C7: variants seen among roughly 807,000 people sequenced by gnomAD.
C7 encodes complement component C7.
A neutral mutation model predicts 104.8 loss-of-function variants in C7; 83 were observed. The observed-to-expected ratio is 0.79, with a 90% confidence interval of 0.66 to 0.95. The LOEUF (loss-of-function observed/expected upper bound fraction) is 0.95. Among genes scored for constraint, C7 ranks in the 40% least tolerant of loss-of-function variants. C7 has a pLI of 0.00. For missense variants in C7, 1,070 were observed against 1,011.2 expected (o/e 1.06, Z -0.79); for synonymous variants, 415 against 360.6 (o/e 1.15, Z -1.71).
intron 6 of C7, among the ~76,000 whole-genome samples, chr5:40,941,642 C>T (rs992185014): frequency 3.9e-5 from 6 of 152,050 alleles, no homozygotes; most frequent in Non-Finnish European, 7.4e-5. Flanking sequence ...GACATAAGAG[C>T]GGCCTGAGAA....
chr5:40,963,451 T>C (rs1372507317), intron 13 of C7, among the ~76,000 whole-genome samples: 2 of 152,172 alleles, frequency 1.3e-5, no homozygotes, highest in Non-Finnish European at 2.9e-5. Context: ...AAACAGAACA[T>C]GTGCTCCTCC....
At chr5:40,959,669 T>C (rs776814782) in intron 12 of C7, 49 bp downstream of exon 12, 5 of 1,394,764 alleles carry the variant, frequency 3.6e-6, no homozygotes, top group Non-Finnish European at 4.8e-6. Flanking sequence ...CAGTACCCTC[T>C]GCAGTTAGCA....
Position 40,936,359 on chromosome 5 carries a change from T to C in C7, c.302T>C (p.Leu101Ser), listed in dbSNP as rs1739814717. 3 of 1,613,182 alleles carry C rather than the reference T, an allele frequency of 1.9e-6. No homozygotes were observed. Among genetic ancestry groups the C allele is most frequent in the Non-Finnish European group, 8.5e-7 (1 of 1,179,456 alleles). The change falls in exon 5 of 18, where the codon TTG (leucine) becomes TCG (serine). Residue 101 changes from leucine to serine, a missense_variant. Physicochemically the swap from Leu to Ser is moderately radical, Grantham distance 145. Transcript: ENST00000313164. ...CFSGQCISKS[L>S]VCNGDSDCDE... The stretch of plus-strand genomic sequence containing the variant: ...TCAGGTCAGTGCATCAGCAAATCAT[T>C]GGTTTGCAATGGGGATTCTGACTGT...
At chr5:40,922,079 C>T (rs1357504950) in intron 1 of C7, among the ~76,000 whole-genome samples, 2 of 143,538 alleles carry the variant, frequency 1.4e-5, no homozygotes, top group Non-Finnish European at 3.1e-5. Flanking sequence ...AAAACAACAA[C>T]AAAAAATACA....
chr5:40,972,839 T>C (rs2111711021), intron 15 of C7, among the ~76,000 whole-genome samples: 1 of 152,342 alleles, frequency 6.6e-6, no homozygotes, highest in South Asian at 2.1e-4. Flanking sequence ...ATCATCCTTG[T>C]GAAAGATTAG....
intron 1 of C7, among the ~76,000 whole-genome samples, chr5:40,926,097 G>C (rs1739544490): frequency 6.6e-6 from 1 of 152,178 alleles, no homozygotes; most frequent in South Asian, 2.1e-4. Flanking sequence ...GAAATGCAAG[G>C]ATGGTTCAAC....
At chr5:40,949,358 G>A (rs2111635494) in intron 8 of C7, among the ~76,000 whole-genome samples, 1 of 124,486 alleles carries the variant, frequency 8.0e-6, no homozygotes, top group East Asian at 2.1e-4. Context: ...AAAATGCATT[G>A]GCAAAAAAAA....
chr5:40,964,161 G>C (rs1740492844), intron 13 of C7, among the ~76,000 whole-genome samples: 1 of 147,444 alleles, frequency 6.8e-6, no homozygotes, highest in Non-Finnish European at 1.5e-5. Context: ...TCATGTCTCA[G>C]CCTCCTGAGT....
At chr5:40,964,284 C>T (rs2111681791) in intron 13 of C7, among the ~76,000 whole-genome samples, 1 of 151,948 alleles carries the variant, frequency 6.6e-6, no homozygotes, top group East Asian at 1.9e-4. Context: ...CTCAGGTGAT[C>T]CACCTGCCTT....
chr5:40,936,623 C>A (rs1437446795), intron 5 of C7, 138 bp downstream of exon 5: 2 of 743,974 alleles, frequency 2.7e-6, no homozygotes, highest in Non-Finnish European at 2.2e-6. Context: ...TTTGCCACAT[C>A]CTGAGACAGT....
intron 15 of C7, among the ~76,000 whole-genome samples, chr5:40,975,360 A>G (rs1561260907): frequency 1.5e-5 from 2 of 130,454 alleles, no homozygotes; most frequent in African/African-American, 2.9e-5. Flanking sequence ...TTTAAAGAGA[A>G]GTGTGCTTTT....
chr5:40,962,055 T>A, intron 12 of C7, 30 bp from the exon 13 acceptor site: 1 of 1,266,670 alleles, frequency 7.9e-7, no homozygotes, highest in South Asian at 1.7e-5. Flanking sequence ...TGCAAATCAA[T>A]CACATTAATT....
chr5:40,914,448 A>G (rs1179566864), intron 1 of C7, among the ~76,000 whole-genome samples: 1 of 152,064 alleles, frequency 6.6e-6, no homozygotes, highest in African/African-American at 2.4e-5. Flanking sequence ...CTTTTGTTGT[A>G]GAGAAGCTTT....
rs928403097 is a variant in C7, at chr5:40,983,535, G to A, written c.*1962G>A. Among the ~76,000 whole-genome samples, 1 of 152,104 alleles carries A rather than the reference G, an allele frequency of 6.6e-6. No individual in the cohort carries two copies. The highest frequency in any genetic ancestry group is 2.4e-5 in the African/African-American group (1 of 41,432). Reference sequence around the variant, plus strand: ...GAGCAGTGAATGTTGTCGTGAAGAGGTGTTGTCTTGAAATACTGTATTTTT... The same window carrying A: ...GAGCAGTGAATGTTGTCGTGAAGAGATGTTGTCTTGAAATACTGTATTTTT... On this transcript the variant is annotated 3_prime_UTR_variant, in exon 18 of 18. Coordinates refer to ENST00000313164, the MANE Select transcript of C7 (RefSeq NM_000587.4).
At position 40,979,783 on chromosome 5, in the gene C7, G is replaced by A. The variant is rs1238355496; in HGVS notation, c.2224G>A (p.Val742Ile). The A allele has an allele frequency of 1.2e-6, 2 of 1,613,586 alleles. No homozygotes were observed. Among genetic ancestry groups the A allele is most frequent in the Non-Finnish European group, 1.7e-6 (2 of 1,179,704 alleles). Residue 742 changes from valine (V) to isoleucine (I), a missense_variant, in exon 17 of 18, where the codon GTT becomes ATT. By Grantham distance (29) the Val-to-Ile change is conservative (BLOSUM62 3). Coordinates refer to ENST00000313164, the MANE Select transcript of C7 (RefSeq NM_000587.4). Reference sequence around the variant, plus strand: ...AAGCAAAAGGATACTGCCTCTGACAGTTTGCAAGATGCATGTTCTCCACTG... The same window carrying A: ...AAGCAAAAGGATACTGCCTCTGACAATTTGCAAGATGCATGTTCTCCACTG... ...ERSKRILPLTVCKMHVLHCQG... is the reference protein window; with the variant it reads ...ERSKRILPLTICKMHVLHCQG...
At position 40,976,766 on chromosome 5, in the gene C7, G is replaced by A. The variant is rs1740827751; in HGVS notation, c.2091G>A (p.Gln697=). ...RCVQKENPLT[Q]AVPKCQRWEK... The stretch of plus-strand genomic sequence containing the variant: ...CTTTTTTAGAAAATCCGTTAACACA[G>A]GCAGTGCCTAAATGTCAGCGCTGGG... Residue 697 remains glutamine (Q), a synonymous_variant, in exon 16 of 18, where the codon CAG becomes CAA. Transcript: ENST00000313164. 1 of 1,600,568 alleles carries A rather than the reference G, an allele frequency of 6.2e-7. No homozygotes were observed. The highest frequency in any genetic ancestry group is 1.7e-5 in the Admixed American group (1 of 58,232).
chr5:40,914,437 TC>T (rs1739276687), intron 1 of C7, among the ~76,000 whole-genome samples: 1 of 152,214 alleles, frequency 6.6e-6, no homozygotes, highest in Non-Finnish European at 1.5e-5. Flanking sequence ...GTTGATTATT[TC>T]TTTTGTTGTA....
intron 1 of C7, among the ~76,000 whole-genome samples, chr5:40,914,273 A>G (rs1024506097): frequency 2.0e-5 from 3 of 152,086 alleles, no homozygotes; most frequent in African/African-American, 7.2e-5. Context: ...AAAAATGTCT[A>G]TTCATGTCCT....
intron 1 of C7, among the ~76,000 whole-genome samples, chr5:40,920,531 C>T (rs1173158725): frequency 6.8e-6 from 1 of 146,284 alleles, no homozygotes; most frequent in East Asian, 2.0e-4. Context: ...TAAAAGTTCT[C>T]CCATTAAAAA....
Sources: gnomAD v4.1 joint callset for allele counts (sites outside exome capture counted in the v4.1 genomes callset) on GRCh38, gnomAD v4.1.1 for gene constraint, MANE v1.5 for transcripts, NCBI Gene and HGNC (gene_info 2026-07-23, HGNC 2026-07-21) for gene names.